Variants in SAMD8 observed in about 807,000 individuals in gnomAD.
SAMD8 encodes sphingomyelin synthase-related protein 1.
A neutral mutation model predicts 42.0 loss-of-function variants in SAMD8; 20 were observed. The ratio of observed to expected loss-of-function variants is 0.48; its 90% CI spans 0.34 to 0.69. SAMD8 has a LOEUF of 0.69. Among genes scored for constraint, SAMD8 ranks in the 30% least tolerant of loss-of-function variants. The pLI, the probability that SAMD8 is intolerant of heterozygous loss-of-function variation, is 0.01. For synonymous variants in SAMD8, 162 were observed against 173.0 expected (o/e 0.94, Z 0.50); for missense variants, 328 against 511.6 (o/e 0.64, Z 3.46).
chr10:75,103,793 G>T, intron 1 of SAMD8: 1 of 949,422 alleles, frequency 1.1e-6, no homozygotes, highest in Non-Finnish European at 1.4e-6. Context: ...CAAATATCTG[G>T]AACCCCCTTC....
chr10:75,111,424 T>G, upstream of SAMD8: 7 of 992,048 alleles, frequency 7.1e-6, no homozygotes, highest in Non-Finnish European at 9.0e-6. Context: ...CTCGCGTCTT[T>G]TCCAGTGTGG....
At chr10:75,101,659 A>G (rs1179875188) in intron 1 of SAMD8, among the ~76,000 whole-genome samples, 1 of 152,172 alleles carries the variant, frequency 6.6e-6, no homozygotes, top group East Asian at 1.9e-4. Context: ...CCAGAGTCAC[A>G]TAGCCAATTG....
At chr10:75,168,169 C>T (rs530242052) in intron 3 of SAMD8, among the ~76,000 whole-genome samples, 2 of 151,998 alleles carry the variant, frequency 1.3e-5, no homozygotes, top group Non-Finnish European at 2.9e-5. Context: ...GACTCTTAGC[C>T]ATATTTTCTT....
At chr10:75,171,437 G>A (rs1022299840) in intron 4 of SAMD8, among the ~76,000 whole-genome samples, 1 of 152,038 alleles carries the variant, frequency 6.6e-6, no homozygotes, top group Non-Finnish European at 1.5e-5. Flanking sequence ...AAAGTGCTGA[G>A]ATTACAGGCG....
intron 1 of SAMD8, among the ~76,000 whole-genome samples, chr10:75,139,320 G>A (rs893271161): frequency 3.3e-5 from 5 of 152,012 alleles, no homozygotes; most frequent in African/African-American, 4.8e-5. Context: ...GGTGGACCAC[G>A]CTTTAATGGT....
At chr10:75,114,385 C>T (rs936716887) in intron 1 of SAMD8, among the ~76,000 whole-genome samples, 45 of 151,760 alleles carry the variant, frequency 3.0e-4, no homozygotes, top group African/African-American at 1.0e-3. Context: ...ATCATGACTG[C>T]GATGGCAGAA....
At chr10:75,108,006 AG>A (rs1848621555), upstream of SAMD8, 3 of 1,612,762 alleles carry the variant, frequency 1.9e-6, no homozygotes, top group African/African-American at 1.3e-5. Context: ...AGGCGTGTTG[AG>A]GGCACGGTGG....
intron 1 of SAMD8, chr10:75,103,926 G>C (rs1299498333): frequency 7.6e-7 from 1 of 1,316,022 alleles, no homozygotes; most frequent in Non-Finnish European, 1.0e-6. Flanking sequence ...CTGAGAGGGG[G>C]TGTAGGCGCC....
chr10:75,114,488 C>T (rs1848834014), intron 1 of SAMD8, among the ~76,000 whole-genome samples: 3 of 152,154 alleles, frequency 2.0e-5, no homozygotes, highest in Admixed American at 2.0e-4. Flanking sequence ...TGCTTATAAA[C>T]ATTTTTTTAT....
Position 75,178,507 on chromosome 10 carries a change from GC to G in SAMD8, c.*1816del, listed in dbSNP as rs1328377795. 1.3e-5 allele frequency: 2 copies of G among 149,122 alleles called. No individual in the cohort carries two copies. The highest frequency in any genetic ancestry group is 3.0e-5 in the Non-Finnish European group (2 of 67,400). 9.2% of individuals were successfully genotyped at this position (149,122 alleles called of 1,614,324 possible). On this transcript the variant is annotated 3_prime_UTR_variant, in exon 6 of 6. Transcript: ENST00000542569. ...TACGTGACAGAACAGACTGAATTTAGCTAGGGAGGCAGTGATGTTGGCTTTT... is the reference window on the plus strand; with the variant it reads ...TACGTGACAGAACAGACTGAATTTAGTAGGGAGGCAGTGATGTTGGCTTTT...
At chr10:75,135,777 G>C (rs976500408) in intron 1 of SAMD8, among the ~76,000 whole-genome samples, 1 of 151,756 alleles carries the variant, frequency 6.6e-6, no homozygotes, top group African/African-American at 2.4e-5. Context: ...AGTGAGCTGA[G>C]ATCGCGCCAC....
intron 1 of SAMD8, among the ~76,000 whole-genome samples, chr10:75,141,773 C>T (rs1224443360): frequency 6.6e-6 from 1 of 151,720 alleles, no homozygotes; most frequent in Non-Finnish European, 1.5e-5. Flanking sequence ...GATCTCCTGA[C>T]CTCATGATCC....
intron 2 of SAMD8, among the ~76,000 whole-genome samples, chr10:75,163,865 T>C (rs893798254): frequency 3.3e-5 from 5 of 150,394 alleles, no homozygotes; most frequent in African/African-American, 9.8e-5. Context: ...AAATTGAAAA[T>C]AGAAAAAAAA....
chr10:75,146,278 T>TG, intron 1 of SAMD8, among the ~76,000 whole-genome samples: 1 of 139,102 alleles, frequency 7.2e-6, no homozygotes, highest in Non-Finnish European at 1.6e-5. Flanking sequence ...GACACTTTTT[T>TG]TTTTTTTTTT....
chr10:75,126,872 C>T (rs949006217), intron 1 of SAMD8, among the ~76,000 whole-genome samples: 1 of 151,822 alleles, frequency 6.6e-6, no homozygotes, highest in Non-Finnish European at 1.5e-5. Flanking sequence ...TGAGACTGAA[C>T]AGTGCAAAAT....
At chr10:75,161,788 G>A (rs1017473995) in intron 2 of SAMD8, among the ~76,000 whole-genome samples, 2 of 151,678 alleles carry the variant, frequency 1.3e-5, no homozygotes, top group South Asian at 4.2e-4. Flanking sequence ...CGCTTTGGGA[G>A]CACTTTGGGA....
intron 1 of SAMD8, among the ~76,000 whole-genome samples, chr10:75,136,387 A>G (rs1245458809): frequency 2.0e-5 from 3 of 152,234 alleles, no homozygotes; most frequent in Non-Finnish European, 4.4e-5. Flanking sequence ...GCTGAAAAAC[A>G]TATCCTGCTT....
intron 2 of SAMD8, among the ~76,000 whole-genome samples, chr10:75,153,765 G>GA (rs1840348540): frequency 2.7e-5 from 4 of 147,060 alleles, no homozygotes; most frequent in African/African-American, 9.9e-5. Context: ...TAGTAAAGAG[G>GA]TTTTTTTTTT....
At chr10:75,124,534 A>T (rs563026592) in intron 1 of SAMD8, among the ~76,000 whole-genome samples, 2 of 150,194 alleles carry the variant, frequency 1.3e-5, no homozygotes, top group African/African-American at 4.9e-5. Flanking sequence ...AATTGCTTCA[A>T]CCCGGGAGGC....
Sources: allele counts gnomAD v4.1 joint callset (sites outside exome capture counted in the v4.1 genomes callset), GRCh38; gene constraint gnomAD v4.1.1; transcripts MANE v1.5; gene names NCBI Gene and HGNC (gene_info 2026-07-23, HGNC 2026-07-21).